The following DCC variants were observed in gnomAD, a reference collection of about 807,000 sequenced individuals.
The protein encoded by DCC is DCC netrin 1 receptor.
Under a neutral mutation model 172.5 loss-of-function variants are expected in DCC, and 58 were observed. The observed-to-expected ratio is 0.34, with a 90% CI of 0.27 to 0.42. The LOEUF is 0.42. Ranked by LOEUF, DCC falls within the 10% of genes least tolerant of loss-of-function variation. DCC has a pLI of 1.00. For missense variants in DCC, 1,740 were observed against 1,791.0 expected (o/e 0.97, Z 0.51); for synonymous variants, 709 against 644.5 (o/e 1.10, Z -1.52).
At chr18:53,303,504 A>T (rs2057164447) in intron 12 of DCC, among the ~76,000 whole-genome samples, 1 of 152,206 alleles carries the variant, frequency 6.6e-6, no homozygotes. Flanking sequence ...AAGTATGAAA[A>T]AGCTGATTTT....
In DCC at chr18:53,213,432, G is replaced by A. The variant is rs971467077; in HGVS notation, c.1862-2116G>A. 2.6e-5 allele frequency among the ~76,000 whole-genome samples: 4 copies of A among 151,872 alleles called. No individual in the cohort carries two copies. In the East Asian group the frequency reaches 5.8e-4, roughly 22 times the overall value. ...TGGGAGGCCGAGGCGGGTGGATCAC[G>A]AGGTCAGGAGTTTGAGACCAGCCTG... On this transcript the variant is annotated intron_variant, in intron 11 of 28. Transcript: ENST00000442544.
At chr18:52,437,894 C>G (rs1468078154) in intron 1 of DCC, among the ~76,000 whole-genome samples, 2 of 152,140 alleles carry the variant, frequency 1.3e-5, no homozygotes, top group African/African-American at 4.8e-5. Flanking sequence ...AATCACTCAG[C>G]TTAAGAGGTT....
At chr18:52,459,184 T>C (rs139788705) in intron 1 of DCC, among the ~76,000 whole-genome samples, 1 of 152,176 alleles carries the variant, frequency 6.6e-6, no homozygotes. Flanking sequence ...GTCATTTCTT[T>C]TCTTTAGAAT....
rs1039792411 is a variant in DCC at position 53,051,225 on chromosome 18, G to A, written c.986-12080G>A. Among the ~76,000 whole-genome samples, 18 of 152,056 alleles carry A rather than the reference G, an allele frequency of 1.2e-4. 1 individual carries two copies. Among genetic ancestry groups the A allele is most frequent in the Non-Finnish European group, 1.3e-4 (9 of 68,010 alleles). On this transcript the variant is annotated intron_variant, in intron 5 of 28. Transcript: ENST00000442544. ...AGCCTGGGCAATGGAGAGACATTGTGTCTAAATAAATAAATACATACATGT... is the reference window on the plus strand; with the variant it reads ...AGCCTGGGCAATGGAGAGACATTGTATCTAAATAAATAAATACATACATGT...
chr18:53,218,239 A>G (rs2055882572), intron 12 of DCC, among the ~76,000 whole-genome samples: 1 of 152,166 alleles, frequency 6.6e-6, no homozygotes, highest in Admixed American at 6.6e-5. Context: ...ATTTGTAAAT[A>G]TAGAGCACAA....
chr18:53,111,981 C>T (rs562486498), intron 7 of DCC, among the ~76,000 whole-genome samples: 2 of 151,618 alleles, frequency 1.3e-5, no homozygotes, highest in East Asian at 2.0e-4. Context: ...ACACCCATTT[C>T]ATCGTGGCCT....
chr18:53,189,481 A>G (rs999377718), intron 9 of DCC, among the ~76,000 whole-genome samples: 18 of 151,868 alleles, frequency 1.2e-4, no homozygotes, highest in Non-Finnish European at 2.2e-4. Flanking sequence ...CATATAGCAT[A>G]TATGTATACA....
chr18:52,886,113 C>T (rs570195224), intron 2 of DCC, among the ~76,000 whole-genome samples: 1 of 151,888 alleles, frequency 6.6e-6, no homozygotes, highest in Non-Finnish European at 1.5e-5. Flanking sequence ...GCTGCACTGC[C>T]TGGGGTTGGG....
At chr18:52,805,226 A>G (rs1272063858) in intron 2 of DCC, among the ~76,000 whole-genome samples, 1 of 152,182 alleles carries the variant, frequency 6.6e-6, no homozygotes, top group African/African-American at 2.4e-5. Context: ...TTTCAACGCA[A>G]ATGGAATAGT....
chr18:52,762,485 AC>A (rs1474572459), intron 2 of DCC, among the ~76,000 whole-genome samples: 53 of 149,466 alleles, frequency 3.5e-4, no homozygotes, highest in Admixed American at 2.2e-3. Flanking sequence ...AAAAAAAAAA[AC>A]AAACATTTTT....
intron 15 of DCC, among the ~76,000 whole-genome samples, chr18:53,375,170 TGCTC>T (rs1421989457): frequency 5.9e-5 from 9 of 152,184 alleles, no homozygotes; most frequent in Non-Finnish European, 1.0e-4. Context: ...GTGCAGGAAG[TGCTC>T]ATAAACAGGG....
Position 53,426,570 on chromosome 18 carries a change from A to G in DCC, c.3164-8574A>G, listed in dbSNP as rs187920612. ...AAAAAGAATTCTCACCTCACATGCC[A>G]CCTCCTCTGAGAAACCTTTTGCTAG... is the stretch of plus-strand genomic sequence containing the variant. On this transcript the variant is annotated intron_variant, in intron 21 of 28. Coordinates refer to ENST00000442544, the MANE Select transcript of DCC (RefSeq NM_005215.4). Among the ~76,000 whole-genome samples the G allele has an allele frequency of 3.3e-3, 492 of 150,976 alleles. 4 individuals carry two copies. The highest frequency in any genetic ancestry group is 0.011 in the African/African-American group (454 of 41,230).
intron 12 of DCC, among the ~76,000 whole-genome samples, chr18:53,259,038 C>CT (rs770939128): frequency 3.3e-5 from 5 of 151,104 alleles, no homozygotes; most frequent in African/African-American, 4.9e-5. Flanking sequence ...CAACCCCTGC[C>CT]TTTTTTTTGT....
chr18:53,259,202 C>T (rs1487428947), intron 12 of DCC, among the ~76,000 whole-genome samples: 2 of 152,142 alleles, frequency 1.3e-5, no homozygotes, highest in Non-Finnish European at 2.9e-5. Context: ...AGCATTTAGC[C>T]CATTTACATT....
intron 24 of DCC, among the ~76,000 whole-genome samples, chr18:53,464,052 T>C (rs1420697919): frequency 6.6e-6 from 1 of 152,212 alleles, no homozygotes; most frequent in Non-Finnish European, 1.5e-5. Context: ...ATCTAGGAAT[T>C]AAGATGATAA....
At chr18:53,065,910 A>G (rs2042559189) in intron 6 of DCC, 136 bp from the exon 7 acceptor site, 1 of 1,009,198 alleles carries the variant, frequency 9.9e-7, no homozygotes, top group Non-Finnish European at 1.5e-6. Flanking sequence ...CACGTCTGCG[A>G]GGCTGAGACC....
chr18:53,189,325 A>C (rs2055333050), intron 9 of DCC, among the ~76,000 whole-genome samples: 1 of 152,080 alleles, frequency 6.6e-6, no homozygotes, highest in Non-Finnish European at 1.5e-5. Context: ...GATTTTATCA[A>C]TTGAAGGTCA....
At chr18:52,792,614 C>A (rs2037792101) in intron 2 of DCC, among the ~76,000 whole-genome samples, 1 of 152,342 alleles carries the variant, frequency 6.6e-6, no homozygotes, top group African/African-American at 2.4e-5. Flanking sequence ...TTGGGGGATT[C>A]TCCATGTTCT....
chr18:53,325,070 G>A (rs1005054317), intron 14 of DCC, among the ~76,000 whole-genome samples: 1 of 151,868 alleles, frequency 6.6e-6, no homozygotes, highest in East Asian at 1.9e-4. Flanking sequence ...GTGCATACCT[G>A]TAATCCCTGC....
Sources: allele counts gnomAD v4.1 joint callset (sites outside exome capture counted in the v4.1 genomes callset), GRCh38; gene constraint gnomAD v4.1.1; transcripts MANE v1.5; gene names NCBI Gene and HGNC (gene_info 2026-07-23, HGNC 2026-07-21).